Variants in PELI2 observed in about 807,000 individuals in gnomAD.
The protein encoded by PELI2 is E3 ubiquitin-protein ligase pellino homolog 2.
Under a neutral mutation model 42.3 loss-of-function variants are expected in PELI2, and 23 were observed. That is an observed-to-expected ratio of 0.54 (90% CI 0.39 to 0.77). The LOEUF is 0.77. Among genes scored for constraint, PELI2 ranks in the 30% least tolerant of loss-of-function variants. The pLI, the probability that PELI2 is intolerant of heterozygous loss-of-function variation, is 0.00. For synonymous variants in PELI2, 245 were observed against 212.2 expected (o/e 1.15, Z -1.34); for missense variants, 463 against 553.2 (o/e 0.84, Z 1.64).
intron 1 of PELI2, among the ~76,000 whole-genome samples, chr14:56,132,368 A>G (rs1883521830): frequency 6.6e-6 from 1 of 152,176 alleles, no homozygotes; most frequent in Admixed American, 6.5e-5. Flanking sequence ...CATCGTCCAT[A>G]ATAACTTTTG....
chr14:56,154,573 C>T (rs1366671031), intron 1 of PELI2, among the ~76,000 whole-genome samples: 1 of 152,204 alleles, frequency 6.6e-6, no homozygotes, highest in East Asian at 1.9e-4. Context: ...GCCTCCTAGC[C>T]ATGCGGAACT....
At chr14:56,158,157 A>G (rs1884633192) in intron 1 of PELI2, among the ~76,000 whole-genome samples, 1 of 151,844 alleles carries the variant, frequency 6.6e-6, no homozygotes, top group Non-Finnish European at 1.5e-5. Flanking sequence ...CCATCTTCCA[A>G]GTAGGGATTA....
intron 1 of PELI2, among the ~76,000 whole-genome samples, chr14:56,147,060 C>T (rs1157681338): frequency 1.3e-5 from 2 of 152,128 alleles, no homozygotes; most frequent in African/African-American, 4.8e-5. Context: ...AGGATTTAGT[C>T]TTTTGAGTCT....
At chr14:56,261,950 A>G (rs1400740123) in intron 2 of PELI2, among the ~76,000 whole-genome samples, 2 of 152,222 alleles carry the variant, frequency 1.3e-5, no homozygotes, top group African/African-American at 4.8e-5. Context: ...TCCCCCATAA[A>G]TAAGACTTGT....
Position 56,198,009 on chromosome 14 carries a change from CACA to C in PELI2, c.207+19546_207+19548del, listed in dbSNP as rs1566632299. Among the ~76,000 whole-genome samples, 237 of 130,294 alleles carry C rather than the reference CACA, an allele frequency of 1.8e-3. 1 individual carries two copies. The highest frequency in any genetic ancestry group is 4.2e-3 in the Admixed American group (57 of 13,452). The allele number at this position is 130,294 out of a possible 152,430, so 85.5% of individuals were successfully genotyped here. On this transcript the variant is annotated intron_variant, in intron 2 of 5. Transcript: ENST00000267460. ...ACACACACACACACACACACACACA[CACA>C]CCCACCTCTTTGGTCCACTTCTCTA...
At chr14:56,214,508 C>G (rs563575432) in intron 2 of PELI2, among the ~76,000 whole-genome samples, 4 of 152,302 alleles carry the variant, frequency 2.6e-5, no homozygotes, top group African/African-American at 9.6e-5. Flanking sequence ...CCCAGCCCCT[C>G]TCCTGAGTAT....
At chr14:56,270,090 G>A (rs898268096) in intron 2 of PELI2, among the ~76,000 whole-genome samples, 6 of 152,164 alleles carry the variant, frequency 3.9e-5, no homozygotes, top group Non-Finnish European at 8.8e-5. Flanking sequence ...GCACTCTTGC[G>A]TGCCATAGAT....
At chr14:56,249,736 T>G (rs1347158454) in intron 2 of PELI2, among the ~76,000 whole-genome samples, 1 of 152,186 alleles carries the variant, frequency 6.6e-6, no homozygotes, top group East Asian at 1.9e-4. Context: ...GCTCGTGTGT[T>G]CAGCTCTGTG....
rs533443002 is a variant in PELI2 at position 56,265,452 on chromosome 14, C to T, written c.208-14224C>T. ...TATGAATTTGATTTATACTTTTCAG[C>T]GTGTACAAAAAGTAGTTCATCATGG... On this transcript the variant is annotated intron_variant, in intron 2 of 5. Coordinates refer to ENST00000267460, the MANE Select transcript of PELI2 (RefSeq NM_021255.3). 1.1e-4 allele frequency among the ~76,000 whole-genome samples: 16 copies of T among 152,000 alleles called. 1 individual carries two copies. The highest frequency in any genetic ancestry group is 3.4e-3 in the Middle Eastern group (1 of 294).
chr14:56,125,914 C>G (rs574201346), intron 1 of PELI2, among the ~76,000 whole-genome samples: 1 of 152,112 alleles, frequency 6.6e-6, no homozygotes, highest in Non-Finnish European at 1.5e-5. Flanking sequence ...AGTTTGCCAC[C>G]CCACATGGAG....
At chr14:56,280,203 T>C (rs1889429893) in intron 3 of PELI2, among the ~76,000 whole-genome samples, 1 of 152,078 alleles carries the variant, frequency 6.6e-6, no homozygotes, top group Non-Finnish European at 1.5e-5. Flanking sequence ...AGAAAATGCC[T>C]TACGTGCTTT....
chr14:56,148,361 CATGT>C (rs1242001512), intron 1 of PELI2, among the ~76,000 whole-genome samples: 1 of 152,160 alleles, frequency 6.6e-6, no homozygotes, highest in African/African-American at 2.4e-5. Context: ...AATGTATGCG[CATGT>C]GTGTGTTGGC....
intron 1 of PELI2, among the ~76,000 whole-genome samples, chr14:56,168,138 G>A (rs1885030700): frequency 6.6e-6 from 1 of 152,140 alleles, no homozygotes; most frequent in Admixed American, 6.5e-5. Flanking sequence ...CACAGCATTG[G>A]GTCTTGCCCA....
chr14:56,120,022 A>G (rs1883005399), intron 1 of PELI2, among the ~76,000 whole-genome samples: 1 of 152,222 alleles, frequency 6.6e-6, no homozygotes, highest in Admixed American at 6.5e-5. Context: ...GCACAACTCA[A>G]AGCTTCCCAG....
At chr14:56,211,898 C>A (rs1055121794) in intron 2 of PELI2, among the ~76,000 whole-genome samples, 1 of 151,986 alleles carries the variant, frequency 6.6e-6, no homozygotes, top group Non-Finnish European at 1.5e-5. Flanking sequence ...CATACAGACG[C>A]ATGCATGTTG....
chr14:56,210,856 T>C (rs748070525), intron 2 of PELI2, among the ~76,000 whole-genome samples: 1 of 152,214 alleles, frequency 6.6e-6, no homozygotes, highest in Non-Finnish European at 1.5e-5. Flanking sequence ...GACCTATGGC[T>C]GAACATCCTC....
At chr14:56,162,481 T>A (rs111281566) in intron 1 of PELI2, among the ~76,000 whole-genome samples, 1 of 152,224 alleles carries the variant, frequency 6.6e-6, no homozygotes, top group African/African-American at 2.4e-5. Flanking sequence ...CTCCATTGCG[T>A]ATATGTACAT....
Position 56,284,537 on chromosome 14 carries a change from T to G in PELI2, c.310-3900T>G, listed in dbSNP as rs1043837599. Among the ~76,000 whole-genome samples the G allele has an allele frequency of 1.9e-4, 29 of 152,158 alleles. 1 individual carries two copies. The highest frequency in any genetic ancestry group is 5.9e-5 in the Non-Finnish European group (4 of 68,008). ...AGGCCTAACAGTTTTGGGTTTTGGT[T>G]TTTTGTTTGGTTTGGTTTGGTTTGG... On this transcript the variant is annotated intron_variant, in intron 3 of 5. Coordinates refer to ENST00000267460, the MANE Select transcript of PELI2 (RefSeq NM_021255.3).
chr14:56,235,533 TG>T (rs1159375576), intron 2 of PELI2, among the ~76,000 whole-genome samples: 2 of 152,244 alleles, frequency 1.3e-5, no homozygotes, highest in African/African-American at 4.8e-5. Flanking sequence ...CTAGAGCTGC[TG>T]GCCTAACTGT....
Sources: gnomAD v4.1 joint callset for allele counts (sites outside exome capture counted in the v4.1 genomes callset) on GRCh38, gnomAD v4.1.1 for gene constraint, MANE v1.5 for transcripts, NCBI Gene and HGNC (gene_info 2026-07-23, HGNC 2026-07-21) for gene names.